Variants in ESR1 observed in about 807,000 individuals in gnomAD.
The protein encoded by ESR1 is estrogen receptor.
A neutral mutation model predicts 52.7 loss-of-function variants in ESR1; 12 were observed. The ratio of observed to expected loss-of-function variants is 0.23; its 90% CI spans 0.15 to 0.37. The LOEUF (loss-of-function observed/expected upper bound fraction) is 0.37, where lower values mean the gene tolerates loss of function less well. ESR1 is among the 10% of genes least tolerant of loss of function. The pLI is 1.00. For synonymous variants in ESR1, 305 were observed against 316.8 expected, an observed-to-expected ratio of 0.96 and a Z score of 0.39; for missense variants, 584 against 779.7, an observed-to-expected ratio of 0.75 and a Z score of 2.99.
At chr6:152,120,742 G>A (rs2813551) in intron 6 of ESR1, among the ~76,000 whole-genome samples, 35,196 of 151,968 alleles carry the variant, frequency 0.23, 4,246 homozygotes, top group African/African-American at 0.3. Flanking sequence ...GTTGAACTAG[G>A]AGGTCTGAAG....
chr6:151,734,991 C>T (rs181466600), intron 2 of ESR1, among the ~76,000 whole-genome samples: 117 of 152,254 alleles, frequency 7.7e-4, no homozygotes, highest in Non-Finnish European at 1.4e-3. Context: ...ACATTGGACT[C>T]ATTATGACTT....
At chr6:151,967,410 C>G (rs1188706603) in intron 4 of ESR1, among the ~76,000 whole-genome samples, 1 of 152,142 alleles carries the variant, frequency 6.6e-6, no homozygotes. Context: ...ATTCAACTCC[C>G]CCTTATGAGT....
chr6:151,732,686 T>G (rs150135780), intron 2 of ESR1, among the ~76,000 whole-genome samples: 1 of 152,134 alleles, frequency 6.6e-6, no homozygotes, highest in Non-Finnish European at 1.5e-5. Flanking sequence ...TTAACTTCTA[T>G]GATAAAAACG....
intron 3 of ESR1, among the ~76,000 whole-genome samples, chr6:151,906,449 C>T (rs1797473368): frequency 6.6e-6 from 1 of 151,484 alleles, no homozygotes; most frequent in African/African-American, 2.4e-5. Context: ...ATCTAGGATT[C>T]TTAAGACATT....
At chr6:151,743,096 C>T (rs952471527) in intron 2 of ESR1, among the ~76,000 whole-genome samples, 2 of 152,142 alleles carry the variant, frequency 1.3e-5, no homozygotes, top group Non-Finnish European at 2.9e-5. Context: ...AAGAAAGCTC[C>T]CCAGGGGCTT....
At chr6:151,956,082 T>C (rs1217205962) in intron 4 of ESR1, among the ~76,000 whole-genome samples, 2 of 152,218 alleles carry the variant, frequency 1.3e-5, no homozygotes, top group African/African-American at 2.4e-5. Context: ...CTGCAGTGTA[T>C]TCCATGGTGT....
chr6:152,051,365 A>G (rs764160882), intron 5 of ESR1, among the ~76,000 whole-genome samples: 3 of 152,180 alleles, frequency 2.0e-5, no homozygotes, highest in Non-Finnish European at 2.9e-5. Flanking sequence ...TGAAAACAAA[A>G]CAAAAACAAA....
At chr6:152,029,935 C>T (rs1461209996) in intron 5 of ESR1, among the ~76,000 whole-genome samples, 3 of 152,176 alleles carry the variant, frequency 2.0e-5, no homozygotes, top group Non-Finnish European at 2.9e-5. Flanking sequence ...AGACTAACAG[C>T]GGATCTCTTG....
intron 6 of ESR1, among the ~76,000 whole-genome samples, chr6:152,109,357 G>A (rs971445236): frequency 3.9e-5 from 6 of 152,174 alleles, no homozygotes; most frequent in East Asian, 3.9e-4. Context: ...GTTCACATTC[G>A]TGGTGGCTTA....
intron 5 of ESR1, among the ~76,000 whole-genome samples, chr6:152,029,832 A>G (rs2044514204): frequency 6.6e-6 from 1 of 152,322 alleles, no homozygotes; most frequent in Non-Finnish European, 1.5e-5. Flanking sequence ...TCCAAGACAC[A>G]TAATTGACAG....
At chr6:151,963,927 G>A (rs1465537254) in intron 4 of ESR1, among the ~76,000 whole-genome samples, 1 of 152,152 alleles carries the variant, frequency 6.6e-6, no homozygotes, top group East Asian at 1.9e-4. Context: ...TAAAGAGGCT[G>A]TCCTTTCCCT....
At chr6:151,981,690 T>A (rs543160249) in intron 4 of ESR1, among the ~76,000 whole-genome samples, 1 of 152,336 alleles carries the variant, frequency 6.6e-6, no homozygotes, top group Non-Finnish European at 1.5e-5. Flanking sequence ...TAAGATTGTC[T>A]GTTTAAAAAA....
intron 2 of ESR1, among the ~76,000 whole-genome samples, chr6:151,757,110 A>G (rs770599985): frequency 1.3e-5 from 2 of 152,170 alleles, no homozygotes; most frequent in Admixed American, 6.5e-5. Flanking sequence ...GTTCCTTTGC[A>G]TTAGTGAGGG....
intron 5 of ESR1, among the ~76,000 whole-genome samples, chr6:152,029,580 A>G (rs2044483738): frequency 6.6e-6 from 1 of 152,278 alleles, no homozygotes; most frequent in East Asian, 1.9e-4. Flanking sequence ...GTGAGAAGAG[A>G]AGTTTAGAGA....
At chr6:151,816,496 C>A (rs1041441426) in intron 1 of ESR1, among the ~76,000 whole-genome samples, 1 of 152,136 alleles carries the variant, frequency 6.6e-6, no homozygotes, top group African/African-American at 2.4e-5. Context: ...CATAACAAGT[C>A]ATTATTTTTT....
chr6:152,037,074 A>G (rs1042798242), intron 5 of ESR1, among the ~76,000 whole-genome samples: 3 of 152,230 alleles, frequency 2.0e-5, no homozygotes, highest in African/African-American at 4.8e-5. Context: ...GTAGGATTAT[A>G]CTTCAGTCCC....
rs2051000804 is a variant in ESR1 at position 152,102,787 on chromosome 6, T to A, written c.*3821T>A. 4.5e-6 allele frequency: 1 copy of A among 222,490 alleles called. No individual in the cohort carries two copies. The allele number at this position is 222,490 out of a possible 1,614,324, so 13.8% of individuals were successfully genotyped here. ...TTCTATTCTTTTTTTTGCATCCAAT[T>A]GTGCCTGAACTTTTAAAATATGTAA... On this transcript the variant is annotated 3_prime_UTR_variant, in exon 8 of 8. Transcript: ENST00000206249.
intron 3 of ESR1, among the ~76,000 whole-genome samples, chr6:151,886,831 A>G (rs944383858): frequency 1.3e-5 from 2 of 152,090 alleles, no homozygotes; most frequent in African/African-American, 4.8e-5. Context: ...ACCTGAGATC[A>G]GGAGTTTGAG....
chr6:151,863,833 A>G (rs1320201250), intron 2 of ESR1, among the ~76,000 whole-genome samples: 3 of 152,076 alleles, frequency 2.0e-5, no homozygotes, highest in Middle Eastern at 3.2e-3. Flanking sequence ...TTTAATAAAT[A>G]GTGCTGGGAA....
Sources: gnomAD v4.1 joint callset for allele counts (sites outside exome capture counted in the v4.1 genomes callset) on GRCh38, gnomAD v4.1.1 for gene constraint, MANE v1.5 for transcripts, NCBI Gene and HGNC (gene_info 2026-07-23, HGNC 2026-07-21) for gene names.